The following PFKP variants were observed in gnomAD, a reference collection of about 807,000 sequenced individuals.
PFKP encodes phosphofructokinase, platelet.
In PFKP, 101 loss-of-function variants were observed where a neutral mutation model predicts 94.3. The ratio of observed to expected loss-of-function variants is 1.07; its 90% CI spans 0.91 to 1.26. The LOEUF (loss-of-function observed/expected upper bound fraction) is 1.26, where lower values mean the gene tolerates loss of function less well. Among genes scored for constraint, PFKP ranks in the 50% most tolerant of loss-of-function variants. The pLI, the probability that PFKP is intolerant of heterozygous loss-of-function variation, is 0.00. For missense variants in PFKP, 1,145 were observed against 1,103.3 expected (o/e 1.04, Z -0.53); for synonymous variants, 573 against 432.6 (o/e 1.32, Z -4.03).
Position 3,101,162 on chromosome 10 carries a change from C to T in PFKP, c.265-203C>T, listed in dbSNP as rs374653949. Among the ~76,000 whole-genome samples the T allele has an allele frequency of 3.3e-3, 507 of 152,290 alleles. 5 individuals are homozygous for T. Among genetic ancestry groups the T allele is most frequent in the Middle Eastern group, 0.014 (4 of 294 alleles). ...CCTCCCTGGCTCCTCCTGGGTGTCA[C>T]GCGCCTGTCTTTGTCCATGGAATGC... On this transcript the variant is annotated intron_variant, in intron 3 of 21. Coordinates refer to ENST00000381125, the MANE Select transcript of PFKP (RefSeq NM_002627.5).
rs1056306139 is a variant in PFKP, at chr10:3,107,218, G to A, written c.779G>A (p.Arg260His). The A allele has an allele frequency of 3.1e-6, 5 of 1,601,350 alleles. No homozygotes were observed. Among genetic ancestry groups the A allele is most frequent in the Admixed American group, 1.7e-5 (1 of 59,852 alleles). Residue 260 changes from arginine (R) to histidine (H), a missense_variant, in exon 8 of 22, where the codon CGT becomes CAT. Around this residue, in one of 3 missense-constraint regions of PFKP, gnomAD observed 1,119 missense variants for 1,062.8 expected, o/e 1.05. Transcript: ENST00000381125. ...EQMCVKLSEN[R>H]ARKKRLNIII... ...TTTAATTTTCTGTCTCCACAGAACC[G>A]TGCCCGGAAAAAAAGGCTGAATATT...
At chr10:3,069,764 A>T (rs1193298898) in intron 1 of PFKP, among the ~76,000 whole-genome samples, 1 of 152,176 alleles carries the variant, frequency 6.6e-6, no homozygotes, top group East Asian at 1.9e-4. Context: ...ATGTATTGGA[A>T]AATATTTATG....
rs749058292 is a variant in PFKP, at chr10:3,134,473, C to T, written c.2023-10C>T. 3.7e-5 allele frequency: 57 copies of T among 1,544,502 alleles called. No homozygotes were observed. The highest frequency in any genetic ancestry group is 4.8e-5 in the Non-Finnish European group (54 of 1,116,956). On this transcript the variant is annotated splice_polypyrimidine_tract_variant and intron_variant, in intron 19 of 21. Coordinates refer to ENST00000381125, the MANE Select transcript of PFKP (RefSeq NM_002627.5). Reference sequence around the variant, plus strand: ...TAACTGGTATTTCATATAACTCTAACCACCAACAGGGTGGGGCACCCTCTC... The same window carrying T: ...TAACTGGTATTTCATATAACTCTAATCACCAACAGGGTGGGGCACCCTCTC...
chr10:3,127,791 G>A (rs946631261), intron 16 of PFKP, among the ~76,000 whole-genome samples: 19 of 152,132 alleles, frequency 1.2e-4, no homozygotes, highest in African/African-American at 4.3e-4. Context: ...AAAGTGGCCC[G>A]CTAACTAGAG....
At position 3,105,492 on chromosome 10, in the gene PFKP, ACT is replaced by A; in HGVS notation, c.769_770del (p.Ser257GlyfsTer16). 1 of 1,608,498 alleles carries A rather than the reference ACT, an allele frequency of 6.2e-7. No individual in the cohort carries two copies. The highest frequency in any genetic ancestry group is 8.5e-7 in the Non-Finnish European group (1 of 1,176,710). On this transcript the variant is annotated frameshift_variant, in exon 7 of 22. Coordinates refer to ENST00000381125, the MANE Select transcript of PFKP (RefSeq NM_002627.5). LOFTEE classifies it high-confidence loss of function. ...GCTGGGAGGAGCAGATGTGTGTCAA[ACT>A]CTCGGAGGTAATGCGGGTCCCGTGG... is the stretch of plus-strand genomic sequence containing the variant. ...EGWEEQMCVK[L>X]SENRARKKRL...
intron 2 of PFKP, among the ~76,000 whole-genome samples, chr10:3,084,289 G>A (rs55985062): frequency 0.25 from 37,797 of 152,048 alleles, 4,928 homozygotes; most frequent in East Asian, 0.35. Context: ...GCTGTGTGCC[G>A]CTGTGTGCGG....
At chr10:3,098,237 T>G (rs1394481581) in intron 2 of PFKP, among the ~76,000 whole-genome samples, 4 of 152,166 alleles carry the variant, frequency 2.6e-5, no homozygotes, top group Admixed American at 1.3e-4. Context: ...ATCATGAACT[T>G]TTCTAAATCC....
At chr10:3,101,944 G>A (rs540800306) in intron 4 of PFKP, among the ~76,000 whole-genome samples, 10 of 152,136 alleles carry the variant, frequency 6.6e-5, no homozygotes, top group Admixed American at 2.0e-4. Flanking sequence ...CCTCCAGCTC[G>A]CTGGGGTCCT....
At chr10:3,112,475 A>G (rs934062149) in intron 11 of PFKP, among the ~76,000 whole-genome samples, 189 bp downstream of exon 11, 4 of 152,188 alleles carry the variant, frequency 2.6e-5, no homozygotes, top group Non-Finnish European at 4.4e-5. Context: ...TCATTTTCTA[A>G]ATTTGCCATT....
chr10:3,093,521 C>A (rs1290097995), intron 2 of PFKP, among the ~76,000 whole-genome samples: 1 of 152,182 alleles, frequency 6.6e-6, no homozygotes, highest in Non-Finnish European at 1.5e-5. Context: ...CTGGCTGACT[C>A]CTAGAAGACC....
chr10:3,132,337 T>C (rs372594768), intron 17 of PFKP, 43 bp from the exon 18 acceptor site: 2 of 1,402,914 alleles, frequency 1.4e-6, no homozygotes, highest in South Asian at 2.3e-5. Flanking sequence ...AGTAGGTACT[T>C]AGTAGAAGTT....
intron 2 of PFKP, among the ~76,000 whole-genome samples, chr10:3,096,219 G>A (rs1834464350): frequency 1.3e-5 from 2 of 152,116 alleles, no homozygotes; most frequent in South Asian, 2.1e-4. Context: ...AGCAGCGTCC[G>A]GGATAGCGCG....
chr10:3,111,959 C>T (rs897688200), intron 10 of PFKP, among the ~76,000 whole-genome samples: 1 of 152,204 alleles, frequency 6.6e-6, no homozygotes, highest in Non-Finnish European at 1.5e-5. Flanking sequence ...GCAGGTGACA[C>T]CTTCTCTTTT....
chr10:3,124,603 C>T (rs1359095979), intron 16 of PFKP, among the ~76,000 whole-genome samples: 2 of 152,242 alleles, frequency 1.3e-5, no homozygotes, highest in African/African-American at 4.8e-5. Flanking sequence ...GCCCCCTTCC[C>T]TGCCTGCACC....
rs745905254 is a variant in PFKP, at chr10:3,134,495, T to G, written c.2035T>G (p.Ser679Ala). 1 of 1,612,056 alleles carries G rather than the reference T, an allele frequency of 6.2e-7. No homozygotes were observed. Among genetic ancestry groups the G allele is most frequent in the Admixed American group, 1.7e-5 (1 of 60,024 alleles). Residue 679 changes from serine (S) to alanine (A), a missense_variant, in exon 20 of 22, where the codon TCT (serine) becomes GCT (alanine). Physicochemically the swap from Ser to Ala is moderately conservative, Grantham distance 99. Coordinates refer to ENST00000381125, the MANE Select transcript of PFKP (RefSeq NM_002627.5). Reference protein sequence around the residue: ...LGHMQQGGAPSPFDRNFGTKI... With the variant: ...LGHMQQGGAPAPFDRNFGTKI... Reference sequence around the variant, plus strand: ...TAACCACCAACAGGGTGGGGCACCCTCTCCATTTGATAGAAACTTTGGAAC... The same window carrying G: ...TAACCACCAACAGGGTGGGGCACCCGCTCCATTTGATAGAAACTTTGGAAC...
intron 2 of PFKP, among the ~76,000 whole-genome samples, chr10:3,082,813 A>G (rs554352307): frequency 2.0e-5 from 3 of 152,264 alleles, no homozygotes; most frequent in African/African-American, 7.2e-5. Flanking sequence ...GCTGGGTTCA[A>G]GCAATTTTCT....
intron 2 of PFKP, among the ~76,000 whole-genome samples, chr10:3,095,993 CACAAAATAATGAAATT>C (rs563594839): frequency 4.6e-5 from 7 of 152,176 alleles, no homozygotes; most frequent in East Asian, 1.9e-4. Flanking sequence ...ATCTATGCAA[CACAAAATAATGAAATT>C]ACTTTCAGAG....
chr10:3,100,894 C>T (rs772166735), intron 3 of PFKP: 4 of 1,221,798 alleles, frequency 3.3e-6, no homozygotes, highest in East Asian at 2.4e-5. Flanking sequence ...CCCCCTGGCC[C>T]CAGGTTCCTG....
rs146993467 is a variant in PFKP, at chr10:3,089,922, C to T, written c.186+7461C>T. 4.4e-3 allele frequency among the ~76,000 whole-genome samples: 675 copies of T among 152,102 alleles called. 5 individuals are homozygous for T. Among genetic ancestry groups the T allele is most frequent in the African/African-American group, 0.016 (654 of 41,488 alleles). ...ACCATCATTCTGTTCTCTGTCTCCA[C>T]GAGATCAATCCTAACTCTGTCTTCA... On this transcript the variant is annotated intron_variant, in intron 2 of 21. Transcript: ENST00000381125.
Sources: gnomAD v4.1 joint callset for allele counts (sites outside exome capture counted in the v4.1 genomes callset) on GRCh38, gnomAD v4.1.1 for gene constraint, gnomAD v4.1.1 regional missense constraint, MANE v1.5 for transcripts, NCBI Gene and HGNC (gene_info 2026-07-23, HGNC 2026-07-21) for gene names.